Variants in P2RY14 observed in about 807,000 individuals in gnomAD.
P2RY14 encodes purinergic receptor P2Y14.
In P2RY14, 2 loss-of-function variants were observed where a neutral mutation model predicts 0.9. That is an observed-to-expected ratio of 2.16 (90% CI 0.88 to 6.79). P2RY14 has a LOEUF of 6.79. Among genes scored for constraint, P2RY14 ranks in the 30% most tolerant of loss-of-function variants. The pLI, the probability that P2RY14 is intolerant of heterozygous loss-of-function variation, is 0.05. For missense variants in P2RY14, 378 were observed against 400.1 expected (o/e 0.94, Z 0.47); for synonymous variants, 158 against 147.2 (o/e 1.07, Z -0.53).
At chr3:151,216,149 C>G (rs1728174718) in intron 2 of P2RY14, among the ~76,000 whole-genome samples, 2 of 152,170 alleles carry the variant, frequency 1.3e-5, no homozygotes, top group African/African-American at 4.8e-5. Context: ...CATTTTTTTA[C>G]TCTTGAATTC....
chr3:151,213,962 T>C lies in P2RY14; in HGVS notation c.355A>G (p.Arg119Gly). The C allele has an allele frequency of 6.2e-7, 1 of 1,614,092 alleles. No homozygotes were observed. The highest frequency in any genetic ancestry group is 8.5e-7 in the Non-Finnish European group (1 of 1,179,986). ...IVFFGLISFD[R>G]YYKIVKPLWT... is the part of the protein sequence containing the mutation. ...AGAGGCTTTACAATTTTATAATATC[T>C]GTCAAAGCTGATGAGCCCAAAGAAC... The change falls in exon 3 of 3, where the codon AGA becomes GGA. Residue 119 changes from arginine to glycine, a missense_variant. Coordinates refer to ENST00000309170, the MANE Select transcript of P2RY14 (RefSeq NM_014879.4).
chr3:151,246,903 G>T (rs971068986), intron 1 of P2RY14, among the ~76,000 whole-genome samples: 12 of 152,066 alleles, frequency 7.9e-5, no homozygotes, highest in Non-Finnish European at 1.5e-4. Flanking sequence ...AATCTACAAT[G>T]AACTGAAACA....
intron 1 of P2RY14, among the ~76,000 whole-genome samples, chr3:151,271,485 G>A (rs1484090180): frequency 6.6e-6 from 1 of 152,174 alleles, no homozygotes; most frequent in East Asian, 1.9e-4. Flanking sequence ...TTGTGACCTA[G>A]TAATTTCACT....
chr3:151,263,281 C>G (rs1220603009), intron 1 of P2RY14, among the ~76,000 whole-genome samples: 4 of 152,096 alleles, frequency 2.6e-5, no homozygotes, highest in Non-Finnish European at 5.9e-5. Context: ...TGAAATAATG[C>G]CAGCTGAGTG....
At chr3:151,217,352 C>G (rs1489293992) in intron 2 of P2RY14, among the ~76,000 whole-genome samples, 2 of 152,254 alleles carry the variant, frequency 1.3e-5, no homozygotes, top group Non-Finnish European at 2.9e-5. Context: ...TGCTGCAGGT[C>G]CAGAACTCTG....
chr3:151,253,476 A>G (rs1241505618), intron 1 of P2RY14, among the ~76,000 whole-genome samples: 2 of 152,228 alleles, frequency 1.3e-5, no homozygotes, highest in African/African-American at 2.4e-5. Context: ...TAAGCCTGGC[A>G]TGGGCCCTCT....
Position 151,214,295 on chromosome 3 carries a change from G to C in P2RY14, c.22C>G (p.Gln8Glu). The C allele has an allele frequency of 6.2e-7, 1 of 1,613,488 alleles. No individual in the cohort carries two copies. Among genetic ancestry groups the C allele is most frequent in the Non-Finnish European group, 8.5e-7 (1 of 1,179,694 alleles). Reference sequence around the variant, plus strand: ...TGAGAGCAGGATTCATCTGGAGGCTGTGTGGAGGTTGAATTGATCATCTTG... The same window carrying C: ...TGAGAGCAGGATTCATCTGGAGGCTCTGTGGAGGTTGAATTGATCATCTTG... MINSTST[Q>E]PPDESCSQNL... Residue 8 changes from glutamine (Q) to glutamate (E), a missense_variant, in exon 3 of 3, where the codon CAG becomes GAG. Physicochemically the swap from Gln to Glu is conservative, Grantham distance 29. Transcript: ENST00000309170.
At chr3:151,275,884 A>G (rs1741768952) in intron 1 of P2RY14, among the ~76,000 whole-genome samples, 2 of 152,142 alleles carry the variant, frequency 1.3e-5, no homozygotes, top group South Asian at 2.1e-4. Context: ...TTAGGAGGCA[A>G]TGCATCTTTT....
At chr3:151,215,332 T>C (rs780249667) in intron 2 of P2RY14, among the ~76,000 whole-genome samples, 3 of 152,142 alleles carry the variant, frequency 2.0e-5, no homozygotes, top group Non-Finnish European at 4.4e-5. Flanking sequence ...AAGTATAAAA[T>C]GCACACTAGA....
chr3:151,247,486 A>G (rs1735827193), intron 1 of P2RY14, among the ~76,000 whole-genome samples: 1 of 151,600 alleles, frequency 6.6e-6, no homozygotes, highest in African/African-American at 2.4e-5. Context: ...ATTGGAAATC[A>G]TCATTCTCAG....
intron 1 of P2RY14, among the ~76,000 whole-genome samples, chr3:151,244,136 AAAG>A (rs1257972065): frequency 7.8e-4 from 99 of 126,582 alleles, no homozygotes; most frequent in Non-Finnish European, 1.3e-3. Flanking sequence ...AGTGACCTAC[AAAG>A]AGACTTAGAC....
chr3:151,270,242 T>TGTGTGTGTGTGTGTGTGTGTGTGTG (rs1553764758), intron 1 of P2RY14: 2 of 155,072 alleles, frequency 1.3e-5, no homozygotes, highest in Non-Finnish European at 2.8e-5. Context: ...TGTGTGTGTG[T>TGTGTGTGTGTGTGTGTGTGTGTGTG]TTTCTTTTGG....
At chr3:151,227,399 A>AT (rs994323172) in intron 1 of P2RY14, among the ~76,000 whole-genome samples, 14 of 151,990 alleles carry the variant, frequency 9.2e-5, no homozygotes, top group Middle Eastern at 3.2e-3. Context: ...CCAACTCTTG[A>AT]TTATGTGTGA....
In P2RY14 at chr3:151,214,298, T is replaced by C. The variant is rs140551771; in HGVS notation, c.19A>G (p.Thr7Ala). 1 of 1,613,464 alleles carries C rather than the reference T, an allele frequency of 6.2e-7. No homozygotes were observed. The highest frequency in any genetic ancestry group is 1.1e-5 in the South Asian group (1 of 90,996). Residue 7 changes from threonine (T) to alanine (A), a missense_variant, in exon 3 of 3, where the codon ACA becomes GCA. By Grantham distance (58) the Thr-to-Ala change is moderately conservative (BLOSUM62 0). Transcript: ENST00000309170. MINSTSTQPPDESCSQN... is the reference protein window; with the variant it reads MINSTSAQPPDESCSQN... ...GAGCAGGATTCATCTGGAGGCTGTG[T>C]GGAGGTTGAATTGATCATCTTGTAA...
At chr3:151,240,426 G>A (rs1733842967) in intron 1 of P2RY14, among the ~76,000 whole-genome samples, 1 of 152,178 alleles carries the variant, frequency 6.6e-6, no homozygotes, top group Non-Finnish European at 1.5e-5. Flanking sequence ...CATTTTAATT[G>A]AATAGCTGCT....
intron 1 of P2RY14, among the ~76,000 whole-genome samples, chr3:151,241,333 G>C (rs1300920156): frequency 1.3e-5 from 2 of 152,186 alleles, no homozygotes; most frequent in East Asian, 3.8e-4. Flanking sequence ...ATATCAAAGA[G>C]TATGGCAAAA....
chr3:151,216,979 A>G (rs1576999528), intron 2 of P2RY14, among the ~76,000 whole-genome samples: 1 of 151,788 alleles, frequency 6.6e-6, no homozygotes, highest in Non-Finnish European at 1.5e-5. Context: ...AAGCCACACA[A>G]CCCCCCAGCG....
chr3:151,219,954 T>A (rs1729014917), intron 1 of P2RY14, among the ~76,000 whole-genome samples: 1 of 139,924 alleles, frequency 7.1e-6, no homozygotes, highest in African/African-American at 2.6e-5. Context: ...AATATAACAA[T>A]TCATCTTAGC....
Position 151,248,114 on chromosome 3 carries a change from C to T in P2RY14, c.-132-28472G>A, listed in dbSNP as rs141214965. ...TACACAATAATATTCCTTGTCCTTG[C>T]CATCCACAAGTTAAAACAAAAAATG... On this transcript the variant is annotated intron_variant, in intron 1 of 2. Coordinates refer to ENST00000309170, the MANE Select transcript of P2RY14 (RefSeq NM_014879.4). Among the ~76,000 whole-genome samples, 419 of 151,682 alleles carry T rather than the reference C, an allele frequency of 2.8e-3. 2 individuals are homozygous for T. The highest frequency in any genetic ancestry group is 3.8e-3 in the Non-Finnish European group (259 of 67,910).
Sources: allele counts gnomAD v4.1 joint callset (sites outside exome capture counted in the v4.1 genomes callset), GRCh38; gene constraint gnomAD v4.1.1; transcripts MANE v1.5; gene names NCBI Gene and HGNC (gene_info 2026-07-23, HGNC 2026-07-21).